The following FGF13 variants were observed in gnomAD, a reference collection of about 807,000 sequenced individuals.
FGF13 encodes fibroblast growth factor 13.
Under a neutral mutation model 19.5 loss-of-function variants are expected in FGF13, and 2 were observed. The observed-to-expected ratio is 0.10, with a 90% CI of 0.04 to 0.32. The LOEUF is 0.32. FGF13 is among the 10% of genes least tolerant of loss of function. FGF13 has a pLI of 1.00. For missense variants in FGF13, 113 were observed against 192.7 expected (o/e 0.59, Z 2.45); for synonymous variants, 72 against 76.9 (o/e 0.94, Z 0.33).
intron 1 of FGF13, among the ~76,000 whole-genome samples, chrX:138,726,671 A>T (rs1034993558): frequency 8.9e-6 from 1 of 112,064 alleles, no homozygotes; most frequent in Non-Finnish European, 1.9e-5. Context: ...GAGACCTCTA[A>T]TGGCCTCCCA....
chrX:138,946,984 G>C (rs1222198471), intron 1 of FGF13, among the ~76,000 whole-genome samples: 1 of 112,206 alleles, frequency 8.9e-6, no homozygotes, highest in East Asian at 2.8e-4. Context: ...AAACAAACAA[G>C]AGGTCGATTG....
At chrX:138,943,612 T>C (rs1023859854) in intron 1 of FGF13, among the ~76,000 whole-genome samples, 1 of 111,968 alleles carries the variant, frequency 8.9e-6, no homozygotes, top group Non-Finnish European at 1.9e-5. Flanking sequence ...TGAACAGTAA[T>C]AGAAAGGAAG....
At chrX:138,997,640 G>A (rs191886666) in intron 1 of FGF13, among the ~76,000 whole-genome samples, 3 of 111,610 alleles carry the variant, frequency 2.7e-5, no homozygotes, top group Admixed American at 9.5e-5. Flanking sequence ...AGAAAAAAGA[G>A]TAAAAAGAAA....
At chrX:139,048,922 C>T (rs1290051904) in intron 1 of FGF13, among the ~76,000 whole-genome samples, 2 of 111,078 alleles carry the variant, frequency 1.8e-5, no homozygotes, top group Non-Finnish European at 3.8e-5. Context: ...ACAACACTAA[C>T]GAGTACTTCT....
downstream of FGF13, among the ~76,000 whole-genome samples, chrX:138,855,587 G>A (rs2091252585): frequency 9.0e-6 from 1 of 111,705 alleles, no homozygotes; most frequent in Non-Finnish European, 1.9e-5. Context: ...ACAAGTGAAA[G>A]GATGGCAGCC....
chrX:138,796,952 T>C (rs983155611), intron 3 of FGF13, among the ~76,000 whole-genome samples: 6 of 112,120 alleles, frequency 5.4e-5, no homozygotes, highest in African/African-American at 2.0e-4. Flanking sequence ...ATTCTGGATA[T>C]TAGACCTTTG....
chrX:138,751,899 C>T (rs948610804), intron 3 of FGF13, among the ~76,000 whole-genome samples: 2 of 111,828 alleles, frequency 1.8e-5, no homozygotes, highest in African/African-American at 3.3e-5. Context: ...TTATGCCTCA[C>T]AACAACCCCC....
chrX:138,634,797 G>A (rs2124094613), intron 4 of FGF13, among the ~76,000 whole-genome samples: 1 of 112,075 alleles, frequency 8.9e-6, no homozygotes, highest in Admixed American at 9.5e-5. Context: ...TACACTGCTG[G>A]CGAGAATGTA....
At chrX:138,737,256 G>C (rs1018923739) in intron 1 of FGF13, among the ~76,000 whole-genome samples, 3 of 111,457 alleles carry the variant, frequency 2.7e-5, no homozygotes, top group Admixed American at 9.5e-5. Context: ...TGTGTACAAG[G>C]GTTGAAGTGT....
chrX:138,696,686 T>C (rs977899354), intron 3 of FGF13, among the ~76,000 whole-genome samples: 7 of 112,129 alleles, frequency 6.2e-5, no homozygotes, highest in African/African-American at 2.3e-4. Flanking sequence ...ATCTCAGGGA[T>C]TCTGAAGTTA....
chrX:138,802,015 G>A (rs753028499), intron 3 of FGF13, among the ~76,000 whole-genome samples: 42 of 112,493 alleles, frequency 3.7e-4, no homozygotes, highest in Admixed American at 1.3e-3. Flanking sequence ...AGCTTGCTGG[G>A]CTCCATGGGA....
At chrX:138,667,723 G>T in intron 3 of FGF13, 1 of 371,433 alleles carries the variant, frequency 2.7e-6, no homozygotes, top group East Asian at 7.9e-5. Context: ...CCTCTGTATG[G>T]GAAACCCTGC....
At chrX:139,010,040 G>A (rs929540880) in intron 1 of FGF13, among the ~76,000 whole-genome samples, 2 of 111,673 alleles carry the variant, frequency 1.8e-5, no homozygotes, top group African/African-American at 6.5e-5. Flanking sequence ...TAAAGCAACA[G>A]CAATCTTAAA....
In FGF13 at chrX:139,002,343, A is replaced by T. The variant is rs60839776; in HGVS notation, c.-112-137693T>A. Among the ~76,000 whole-genome samples, 1,097 of 111,729 alleles carry T rather than the reference A, an allele frequency of 9.8e-3. 10 individuals are homozygous for T. The highest frequency in any genetic ancestry group is 0.031 in the African/African-American group (948 of 30,676). On this transcript the variant is annotated intron_variant, in intron 1 of 2. Transcript: ENST00000421460. ...ATCCCAGAACTTAAAGTATAATTTT[A>T]AAAAAAAGATGAACACAAAAGCTTA...
intron 3 of FGF13, among the ~76,000 whole-genome samples, chrX:138,644,276 T>G (rs1237596612): frequency 9.0e-6 from 1 of 110,989 alleles, no homozygotes; most frequent in African/African-American, 3.3e-5. Context: ...CCTCAGGATT[T>G]TTTTTTTCTT....
At chrX:139,108,071 G>A (rs2083572424) in intron 1 of FGF13, among the ~76,000 whole-genome samples, 1 of 111,294 alleles carries the variant, frequency 9.0e-6, no homozygotes, top group Non-Finnish European at 1.9e-5. Flanking sequence ...CCACTCAGAA[G>A]TTAGTTATCA....
intron 1 of FGF13, among the ~76,000 whole-genome samples, chrX:138,913,136 C>A (rs1403099124): frequency 2.9e-5 from 3 of 102,779 alleles, no homozygotes; most frequent in Non-Finnish European, 5.9e-5. Flanking sequence ...AGGGAAGGAC[C>A]TTGTTATGAT....
At chrX:139,001,054 T>C (rs1304659317) in intron 1 of FGF13, among the ~76,000 whole-genome samples, 2 of 111,739 alleles carry the variant, frequency 1.8e-5, no homozygotes, top group African/African-American at 6.5e-5. Flanking sequence ...ATCTGATCTT[T>C]GACAAATCTG....
At chrX:138,806,408 A>C (rs2090867944) in intron 3 of FGF13, 1 of 111,809 alleles carries the variant, frequency 8.9e-6, no homozygotes, top group Admixed American at 9.6e-5. Context: ...CAGACGCTAA[A>C]GGTGGAGAAG....
Sources: allele counts gnomAD v4.1 joint callset (sites outside exome capture counted in the v4.1 genomes callset), GRCh38; gene constraint gnomAD v4.1.1; transcripts MANE v1.5; gene names NCBI Gene and HGNC (gene_info 2026-07-23, HGNC 2026-07-21).